The following PLPP1 variants were observed in gnomAD, a reference collection of about 807,000 sequenced individuals.
The protein encoded by PLPP1 is lipid phosphate phosphohydrolase 1a.
Under a neutral mutation model 31.2 loss-of-function variants are expected in PLPP1, and 24 were observed. The ratio of observed to expected loss-of-function variants is 0.77; its 90% confidence interval spans 0.56 to 1.08. The LOEUF is 1.08. Ranked by LOEUF, PLPP1 falls within the 50% of genes least tolerant of loss-of-function variation. PLPP1 has a pLI of 0.00. For missense variants in PLPP1, 319 were observed against 342.7 expected (o/e 0.93, Z 0.55); for synonymous variants, 146 against 126.3 (o/e 1.16, Z -1.05).
At chr5:55,433,607 C>A (rs1410803614) in intron 4 of PLPP1, among the ~76,000 whole-genome samples, 3 of 147,758 alleles carry the variant, frequency 2.0e-5, no homozygotes, top group Non-Finnish European at 4.5e-5. Flanking sequence ...TCAAGCAATT[C>A]TCCTGCCTCA....
At chr5:55,428,214 C>T (rs757775079) in intron 4 of PLPP1, among the ~76,000 whole-genome samples, 3 of 152,220 alleles carry the variant, frequency 2.0e-5, no homozygotes, top group Non-Finnish European at 4.4e-5. Flanking sequence ...ATTATTTCAC[C>T]GTGAGAATTC....
At chr5:55,463,324 C>T (rs1209105738) in intron 3 of PLPP1, among the ~76,000 whole-genome samples, 4 of 152,026 alleles carry the variant, frequency 2.6e-5, no homozygotes, top group African/African-American at 9.7e-5. Context: ...GCATGTTCTG[C>T]ACATGTATCC....
intron 4 of PLPP1, among the ~76,000 whole-genome samples, chr5:55,436,047 G>A (rs6891164): frequency 0.86 from 128,692 of 149,644 alleles, 55,760 homozygotes; most frequent in South Asian, 0.92. Flanking sequence ...CTTCTTAGCC[G>A]GGATATTACT....
chr5:55,518,289 T>C (rs1421312397), intron 1 of PLPP1, among the ~76,000 whole-genome samples: 2 of 152,150 alleles, frequency 1.3e-5, no homozygotes, highest in African/African-American at 4.8e-5. Context: ...AAATTCTGAT[T>C]CATTAAATCA....
intron 3 of PLPP1, among the ~76,000 whole-genome samples, chr5:55,464,053 T>C (rs1333470952): frequency 6.6e-6 from 1 of 151,656 alleles, no homozygotes; most frequent in Non-Finnish European, 1.5e-5. Flanking sequence ...ATTAAGGAAA[T>C]ATAAATTAAA....
chr5:55,481,169 GC>G (rs2111826342), intron 1 of PLPP1, among the ~76,000 whole-genome samples: 1 of 152,264 alleles, frequency 6.6e-6, no homozygotes, highest in Non-Finnish European at 1.5e-5. Context: ...TTGCACAAAT[GC>G]TCAGGATCTT....
intron 3 of PLPP1, among the ~76,000 whole-genome samples, chr5:55,448,739 C>T (rs1751827477): frequency 6.6e-6 from 1 of 152,142 alleles, no homozygotes; most frequent in Admixed American, 6.5e-5. Context: ...TGAGCCTCCG[C>T]ACCCAGCCGA....
At chr5:55,462,076 C>A (rs1752178009) in intron 3 of PLPP1, among the ~76,000 whole-genome samples, 1 of 152,154 alleles carries the variant, frequency 6.6e-6, no homozygotes, top group African/African-American at 2.4e-5. Flanking sequence ...ACAACATATT[C>A]ATGGATTGGA....
chr5:55,435,001 C>T (rs1477078623), intron 4 of PLPP1, among the ~76,000 whole-genome samples: 1 of 152,102 alleles, frequency 6.6e-6, no homozygotes, highest in Admixed American at 6.5e-5. Flanking sequence ...AGTATTTATC[C>T]AGCAAGGAGC....
intron 1 of PLPP1, among the ~76,000 whole-genome samples, chr5:55,500,800 A>G (rs1016201299): frequency 6.6e-6 from 1 of 152,188 alleles, no homozygotes; most frequent in African/African-American, 2.4e-5. Flanking sequence ...CAAAGAAATA[A>G]CGGGGGGAAC....
chr5:55,491,393 T>C (rs556399232), intron 1 of PLPP1, among the ~76,000 whole-genome samples: 22 of 152,336 alleles, frequency 1.4e-4, no homozygotes, highest in African/African-American at 5.3e-4. Context: ...GAGAGCAAAA[T>C]TGGCCCATGG....
At chr5:55,428,612 A>G (rs1261922730) in intron 4 of PLPP1, among the ~76,000 whole-genome samples, 9 of 152,342 alleles carry the variant, frequency 5.9e-5, no homozygotes, top group African/African-American at 1.7e-4. Flanking sequence ...AAGAAAGTCT[A>G]TTACTTTAGC....
At chr5:55,497,521 G>A (rs1046734550) in intron 1 of PLPP1, among the ~76,000 whole-genome samples, 2 of 150,764 alleles carry the variant, frequency 1.3e-5, no homozygotes, top group African/African-American at 4.9e-5. Context: ...CCAAAGTGCT[G>A]GGATTACACA....
intron 3 of PLPP1, among the ~76,000 whole-genome samples, chr5:55,452,261 C>T (rs139898149): frequency 6.6e-6 from 1 of 152,264 alleles, no homozygotes; most frequent in Non-Finnish European, 1.5e-5. Context: ...TTAGTGCCAT[C>T]CCCTTGGTGA....
At position 55,425,130 on chromosome 5, in the gene PLPP1, G is replaced by C; in HGVS notation, c.*76C>G. 6.6e-7 allele frequency: 1 copy of C among 1,513,454 alleles called. No individual in the cohort carries two copies. The highest frequency in any genetic ancestry group is 8.9e-7 in the Non-Finnish European group (1 of 1,120,772). 93.8% of individuals were successfully genotyped at this position (1,513,454 alleles called of 1,614,324 possible). A position where few individuals can be genotyped will look rare whatever the true frequency, so the allele number is the denominator to read the frequency against. ...TAAAGGCTTGTACACCAGGAAGAAAGATGCATCCTCTTGCCTTGTGGCAAT... is the reference window on the plus strand; with the variant it reads ...TAAAGGCTTGTACACCAGGAAGAAACATGCATCCTCTTGCCTTGTGGCAAT... On this transcript the variant is annotated 3_prime_UTR_variant, in exon 6 of 6. Transcript: ENST00000307259.
intron 3 of PLPP1, among the ~76,000 whole-genome samples, chr5:55,464,235 CTTTTT>C (rs35680320): frequency 7.2e-6 from 1 of 139,250 alleles, no homozygotes; most frequent in Non-Finnish European, 1.5e-5. Context: ...TTCAGAACAT[CTTTTT>C]TTTTTTTTTT....
At chr5:55,452,826 T>A (rs1417958669) in intron 3 of PLPP1, among the ~76,000 whole-genome samples, 1 of 152,234 alleles carries the variant, frequency 6.6e-6, no homozygotes, top group Non-Finnish European at 1.5e-5. Context: ...CTGGGTAGAA[T>A]AAGATGTTTT....
At chr5:55,488,612 C>T (rs1228860116) in intron 1 of PLPP1, among the ~76,000 whole-genome samples, 2 of 151,990 alleles carry the variant, frequency 1.3e-5, no homozygotes, top group Non-Finnish European at 2.9e-5. Flanking sequence ...TGCCACTGCA[C>T]TCCAGCCCAG....
chr5:55,498,564 G>C (rs1753051911), intron 1 of PLPP1, among the ~76,000 whole-genome samples: 1 of 152,024 alleles, frequency 6.6e-6, no homozygotes, highest in African/African-American at 2.4e-5. Flanking sequence ...TTTATGAAAT[G>C]AATGAATAAA....
Sources: gnomAD v4.1 joint callset for allele counts (sites outside exome capture counted in the v4.1 genomes callset) on GRCh38, gnomAD v4.1.1 for gene constraint, MANE v1.5 for transcripts, NCBI Gene and HGNC (gene_info 2026-07-23, HGNC 2026-07-21) for gene names.